Variants in SYT1 observed in about 807,000 individuals in gnomAD.
SYT1 encodes synaptotagmin-1.
Under a neutral mutation model 44.8 loss-of-function variants are expected in SYT1, and 8 were observed. The observed-to-expected ratio is 0.18, with a 90% CI of 0.10 to 0.32. SYT1 has a LOEUF of 0.32. SYT1 is among the 10% of genes least tolerant of loss of function. The pLI, the probability that SYT1 is intolerant of heterozygous loss-of-function variation, is 1.00. For synonymous variants in SYT1, 154 were observed against 188.8 expected (o/e 0.82, Z 1.51); for missense variants, 286 against 509.3 (o/e 0.56, Z 4.22).
chr12:79,278,099 G>C (rs1013079836), intron 4 of SYT1, among the ~76,000 whole-genome samples: 6 of 152,138 alleles, frequency 3.9e-5, no homozygotes, highest in African/African-American at 1.4e-4. Flanking sequence ...GAAGTAGACA[G>C]ATTGTCAAGG....
At chr12:79,274,329 C>T (rs1429907335) in intron 4 of SYT1, among the ~76,000 whole-genome samples, 3 of 152,124 alleles carry the variant, frequency 2.0e-5, no homozygotes, top group Non-Finnish European at 4.4e-5. Flanking sequence ...GCATGAACTG[C>T]CTGAGATTCC....
chr12:79,316,031 A>G (rs1290588878), intron 8 of SYT1, among the ~76,000 whole-genome samples: 2 of 152,230 alleles, frequency 1.3e-5, no homozygotes, highest in Non-Finnish European at 2.9e-5. Flanking sequence ...TTAAATTGAA[A>G]TAAAATTGGC....
chr12:79,042,878 T>C (rs1239264751), intron 2 of SYT1, among the ~76,000 whole-genome samples: 2 of 151,988 alleles, frequency 1.3e-5, no homozygotes, highest in Non-Finnish European at 2.9e-5. Flanking sequence ...TTCATTTTGT[T>C]ATGTACCCAG....
intron 3 of SYT1, among the ~76,000 whole-genome samples, chr12:79,063,405 C>T (rs1451959944): frequency 2.0e-5 from 3 of 152,060 alleles, no homozygotes; most frequent in African/African-American, 7.2e-5. Flanking sequence ...GCTGCTCTGC[C>T]CCTGAAAACT....
chr12:79,179,470 T>C (rs1433051030), intron 3 of SYT1, among the ~76,000 whole-genome samples: 3 of 95,862 alleles, frequency 3.1e-5, no homozygotes, highest in Non-Finnish European at 6.2e-5. Flanking sequence ...TATATAGATA[T>C]AGATATAGAG....
At chr12:78,894,331 T>G (rs1343116849) in intron 1 of SYT1, among the ~76,000 whole-genome samples, 1 of 19,390 alleles carries the variant, frequency 5.2e-5, no homozygotes, top group South Asian at 2.9e-3. Context: ...TTTTAATCTG[T>G]TTTTTTTTTT....
chr12:79,258,587 C>A (rs550996248), intron 4 of SYT1, among the ~76,000 whole-genome samples: 9 of 152,256 alleles, frequency 5.9e-5, no homozygotes, highest in Admixed American at 5.9e-4. Flanking sequence ...GTTAAGATTT[C>A]TCTGTGATGT....
rs56184328 is a variant in SYT1 at position 78,865,564 on chromosome 12, TGGGG to T, written c.-217+465_-217+468del. On this transcript the variant is annotated intron_variant, in intron 1 of 10. Transcript: ENST00000261205. ...TTTCTTTCTGTTGGGGAGAGGGATATGGGGGGGGGGGGGAACGTAAACAAGATAG... is the reference window on the plus strand; with the variant it reads ...TTTCTTTCTGTTGGGGAGAGGGATATGGGGGGGGGAACGTAAACAAGATAG... Among the ~76,000 whole-genome samples, 18 of 145,908 alleles carry T rather than the reference TGGGG, an allele frequency of 1.2e-4. 1 individual carries two copies. The highest frequency in any genetic ancestry group is 6.8e-4 in the South Asian group (3 of 4,422).
chr12:79,369,253 A>G (rs1883685431), intron 9 of SYT1, among the ~76,000 whole-genome samples: 1 of 152,188 alleles, frequency 6.6e-6, no homozygotes, highest in African/African-American at 2.4e-5. Context: ...AGGCTGAGGC[A>G]GGAGGATTGC....
chr12:79,312,347 T>C (rs938719080), intron 8 of SYT1, among the ~76,000 whole-genome samples: 2 of 152,220 alleles, frequency 1.3e-5, no homozygotes, highest in Admixed American at 6.5e-5. Flanking sequence ...TTCGTACTTA[T>C]CAGAAATTAT....
At chr12:79,022,963 G>A (rs1331100890) in intron 2 of SYT1, among the ~76,000 whole-genome samples, 4 of 151,658 alleles carry the variant, frequency 2.6e-5, no homozygotes, top group Non-Finnish European at 5.9e-5. Flanking sequence ...CTTCCATGCC[G>A]GTTTTTTATT....
rs374019011 is a variant in SYT1 at position 79,396,199 on chromosome 12, T to A, written c.928+42580T>A. Among the ~76,000 whole-genome samples, 73 of 152,294 alleles carry A rather than the reference T, an allele frequency of 4.8e-4. No individual in the cohort carries two copies. In the East Asian group the frequency reaches 9.4e-3, roughly 20 times the overall value. ...AGGTGAGAACAAGAAATTTTTATAA[T>A]GATGGCCAATTTTCATCTGGGACCA... On this transcript the variant is annotated intron_variant, in intron 9 of 10. Coordinates refer to ENST00000261205, the MANE Select transcript of SYT1 (RefSeq NM_005639.3).
At chr12:79,203,401 A>G (rs907324115) in intron 3 of SYT1, among the ~76,000 whole-genome samples, 1 of 152,194 alleles carries the variant, frequency 6.6e-6, no homozygotes, top group African/African-American at 2.4e-5. Context: ...ACCACCCAGC[A>G]AAGGAGATAC....
chr12:78,997,980 T>C (rs1028418385), intron 2 of SYT1, among the ~76,000 whole-genome samples: 1 of 152,140 alleles, frequency 6.6e-6, no homozygotes, highest in Admixed American at 6.6e-5. Flanking sequence ...AAAGACTGGA[T>C]TCATTTAAAT....
chr12:79,014,119 C>A lies in SYT1; in HGVS notation c.-83-33178C>A, dbSNP rs796673978. On this transcript the variant is annotated intron_variant, in intron 2 of 10. Transcript: ENST00000261205. ...CAGCCTGGCAACAGAGTGAGACTCT[C>A]TCCAAAAAAAAAAAAAAAAGAAAAA... Among the ~76,000 whole-genome samples the A allele has an allele frequency of 4.8e-5, 5 of 104,398 alleles. No homozygotes were observed. In the East Asian group the frequency reaches 8.9e-4, roughly 19 times the overall value. 68.5% of individuals were successfully genotyped at this position (104,398 alleles called of 152,430 possible).
chr12:79,223,785 G>T (rs1347914083), intron 4 of SYT1, among the ~76,000 whole-genome samples: 4 of 152,172 alleles, frequency 2.6e-5, no homozygotes, highest in African/African-American at 9.6e-5. Context: ...AAGTTTAGAG[G>T]CTCAGTCACC....
At chr12:79,287,324 A>G (rs768916191) in intron 5 of SYT1, among the ~76,000 whole-genome samples, 17 of 152,150 alleles carry the variant, frequency 1.1e-4, no homozygotes, top group Non-Finnish European at 1.8e-4. Flanking sequence ...CAATGCATAA[A>G]CGTTCAACTA....
chr12:79,375,961 T>C (rs902906364), intron 9 of SYT1, among the ~76,000 whole-genome samples: 1 of 152,232 alleles, frequency 6.6e-6, no homozygotes, highest in African/African-American at 2.4e-5. Context: ...GTTGTATCAT[T>C]TATTTAAAAC....
At chr12:79,192,767 A>C (rs1201794443) in intron 3 of SYT1, among the ~76,000 whole-genome samples, 1 of 152,200 alleles carries the variant, frequency 6.6e-6, no homozygotes, top group Non-Finnish European at 1.5e-5. Flanking sequence ...CATTGACCTC[A>C]CAGTATGAGA....
Sources: gnomAD v4.1 joint callset for allele counts (sites outside exome capture counted in the v4.1 genomes callset) on GRCh38, gnomAD v4.1.1 for gene constraint, MANE v1.5 for transcripts, NCBI Gene and HGNC (gene_info 2026-07-23, HGNC 2026-07-21) for gene names.